The following PDE1C variants were observed in gnomAD, a reference collection of about 807,000 sequenced individuals.
PDE1C encodes the protein phosphodiesterase 1C, also known as dual specificity calcium/calmodulin-dependent 3',5'-cyclic nucleotide phosphodiesterase 1C.
PDE1C carries 62 observed loss-of-function variants against 93.1 expected under a neutral mutation model. The ratio of observed to expected loss-of-function variants is 0.67; its 90% CI spans 0.54 to 0.82. The LOEUF is 0.82. Ranked by LOEUF, PDE1C falls within the 40% of genes least tolerant of loss-of-function variation. PDE1C has a pLI of 0.00. For synonymous variants in PDE1C, 325 were observed against 310.1 expected (o/e 1.05, Z -0.50); for missense variants, 742 against 884.6 (o/e 0.84, Z 2.04).
chr7:31,960,852 T>A (rs1206431036), intron 2 of PDE1C, among the ~76,000 whole-genome samples: 1 of 152,214 alleles, frequency 6.6e-6, no homozygotes, highest in Admixed American at 6.5e-5. Context: ...GTCAAAATGA[T>A]GCAAATTCTG....
intron 16 of PDE1C, among the ~76,000 whole-genome samples, chr7:31,807,611 G>A (rs1787020897): frequency 6.6e-6 from 1 of 151,890 alleles, no homozygotes. Context: ...GATTTATTCT[G>A]GGCTTTTATG....
chr7:31,973,652 T>C (rs1054214779), intron 2 of PDE1C, among the ~76,000 whole-genome samples: 2 of 152,164 alleles, frequency 1.3e-5, no homozygotes, highest in South Asian at 2.1e-4. Context: ...TTATTCTTAT[T>C]TTACAGTTGG....
At chr7:32,011,319 A>C (rs1787070809) in intron 2 of PDE1C, among the ~76,000 whole-genome samples, 1 of 152,124 alleles carries the variant, frequency 6.6e-6, no homozygotes, top group East Asian at 1.9e-4. Flanking sequence ...CAGCCTCCCA[A>C]GTAGCTGGGA....
chr7:31,934,071 A>G (rs969569273), intron 2 of PDE1C, among the ~76,000 whole-genome samples: 1 of 152,218 alleles, frequency 6.6e-6, no homozygotes, highest in Non-Finnish European at 1.5e-5. Context: ...TCAAGATGGT[A>G]TGAAAAGAAA....
chr7:31,889,606 C>T (rs1262603539), intron 2 of PDE1C, among the ~76,000 whole-genome samples: 3 of 152,142 alleles, frequency 2.0e-5, no homozygotes, highest in Non-Finnish European at 1.5e-5. Flanking sequence ...TCAGTCTCCT[C>T]CTTGTTCTGC....
the PDE1C span, among the ~76,000 whole-genome samples, chr7:31,630,278 A>G: frequency 6.6e-6 from 1 of 151,012 alleles, no homozygotes; most frequent in East Asian, 1.9e-4. Context: ...AAAATTAATC[A>G]TATTAGTAAT....
chr7:31,659,147 G>C, the PDE1C span, among the ~76,000 whole-genome samples: 4 of 152,098 alleles, frequency 2.6e-5, no homozygotes, highest in East Asian at 7.7e-4. Flanking sequence ...CTGAAACCAA[G>C]TGTTTATATA....
At chr7:32,304,088 A>G (rs909414150), upstream of PDE1C, among the ~76,000 whole-genome samples, 2 of 152,190 alleles carry the variant, frequency 1.3e-5, no homozygotes, top group Admixed American at 1.3e-4. Flanking sequence ...CCCTCAGCCA[A>G]CCAGGTTTGC....
the PDE1C span, among the ~76,000 whole-genome samples, chr7:31,636,727 A>T: frequency 0.98 from 147,880 of 151,454 alleles, 72,199 homozygotes; most frequent in East Asian, 1. Flanking sequence ...TTTTTTTTTA[A>T]AAATTTTATT....
intron 2 of PDE1C, among the ~76,000 whole-genome samples, chr7:31,965,621 C>T (rs1231774783): frequency 6.6e-6 from 1 of 152,156 alleles, no homozygotes. Context: ...CACAAAGATA[C>T]TCCTCGAGAA....
chr7:32,292,485 C>T (rs528972046), intron 1 of PDE1C, among the ~76,000 whole-genome samples: 1 of 152,202 alleles, frequency 6.6e-6, no homozygotes, highest in South Asian at 2.1e-4. Flanking sequence ...GCTTACTGTA[C>T]CCAGTGGATA....
chr7:32,145,150 C>CA (rs1334067600), intron 3 of PDE1C, among the ~76,000 whole-genome samples: 1 of 152,068 alleles, frequency 6.6e-6, no homozygotes, highest in Non-Finnish European at 1.5e-5. Flanking sequence ...ACTGTGATGG[C>CA]AAAATGTAGG....
At chr7:31,869,556 T>C (rs1440251059) in intron 6 of PDE1C, among the ~76,000 whole-genome samples, 1 of 152,030 alleles carries the variant, frequency 6.6e-6, no homozygotes, top group Non-Finnish European at 1.5e-5. Context: ...AAGGAATCAA[T>C]TCAGCCAGAG....
intron 1 of PDE1C, among the ~76,000 whole-genome samples, chr7:32,226,868 A>C (rs541144807): frequency 1.8e-4 from 28 of 152,310 alleles, no homozygotes; most frequent in African/African-American, 6.7e-4. Flanking sequence ...TTCAGACAGC[A>C]GCTCCCCAGC....
chr7:31,981,814 G>C (rs1226812304), intron 2 of PDE1C, among the ~76,000 whole-genome samples: 2 of 152,114 alleles, frequency 1.3e-5, no homozygotes, highest in Non-Finnish European at 2.9e-5. Flanking sequence ...TATTATCAAA[G>C]CAATTTAGAA....
intron 2 of PDE1C, among the ~76,000 whole-genome samples, chr7:31,905,880 T>C (rs1427433368): frequency 1.3e-5 from 2 of 152,106 alleles, no homozygotes; most frequent in Non-Finnish European, 2.9e-5. Flanking sequence ...TCTCACAAGA[T>C]CTGATGGTTT....
In PDE1C at chr7:31,879,304, A is replaced by C. The variant is rs1860787; in HGVS notation, c.243-126T>G. 439,147 of 890,462 alleles carry C rather than the reference A, an allele frequency of 0.49. 114,959 individuals are homozygous for C. The highest frequency in any genetic ancestry group is 0.54 in the Non-Finnish European group (326,827 of 600,506). 55.2% of individuals were successfully genotyped at this position (890,462 alleles called of 1,614,324 possible). Reference sequence around the variant, plus strand: ...GCAAAGAAACCAAATTAAATTGGCCACAAAAAATACAGTGCCTTTTTGGTA... The same window carrying C: ...GCAAAGAAACCAAATTAAATTGGCCCCAAAAAATACAGTGCCTTTTTGGTA... On this transcript the variant is annotated intron_variant, in intron 3 of 17. Transcript: ENST00000396191.
At chr7:31,715,411 G>A in the PDE1C span, among the ~76,000 whole-genome samples, 10 of 152,226 alleles carry the variant, frequency 6.6e-5, no homozygotes, top group East Asian at 1.9e-4. Flanking sequence ...GCTAACTTTT[G>A]TATTTTTAGT....
chr7:31,642,998 T>C, the PDE1C span: 6 of 1,613,998 alleles, frequency 3.7e-6, no homozygotes, highest in Non-Finnish European at 5.1e-6. Context: ...CTGTGGCAGC[T>C]TCTGCCAATG....
Sources: allele counts gnomAD v4.1 joint callset (sites outside exome capture counted in the v4.1 genomes callset), GRCh38; gene constraint gnomAD v4.1.1; transcripts MANE v1.5; gene names NCBI Gene and HGNC (gene_info 2026-07-23, HGNC 2026-07-21).